Variants in ANKRD29 observed in about 807,000 individuals in gnomAD.
ANKRD29 encodes the protein ankyrin repeat domain 29, also known as ankyrin repeat domain-containing protein 29.
In ANKRD29, 32 loss-of-function variants were observed where a neutral mutation model predicts 38.0. The observed-to-expected ratio is 0.84, with a 90% CI of 0.64 to 1.13. ANKRD29 has a LOEUF of 1.13. Among genes scored for constraint, ANKRD29 ranks in the 50% most tolerant of loss-of-function variants. ANKRD29 has a pLI of 0.00. For missense variants in ANKRD29, 357 were observed against 377.9 expected, an observed-to-expected ratio of 0.94 and a Z score of 0.46; for synonymous variants, 135 against 152.4, an observed-to-expected ratio of 0.89 and a Z score of 0.84.
At chr18:23,639,885 C>T (rs2060051235) in intron 3 of ANKRD29, among the ~76,000 whole-genome samples, 1 of 152,098 alleles carries the variant, frequency 6.6e-6, no homozygotes. Flanking sequence ...AAGTATGATG[C>T]TGGTTGCCAG....
chr18:23,604,796 T>G (rs2059555482), intron 9 of ANKRD29, among the ~76,000 whole-genome samples: 1 of 152,222 alleles, frequency 6.6e-6, no homozygotes, highest in African/African-American at 2.4e-5. Flanking sequence ...CCCAAAGTGC[T>G]GGAATTACAG....
chr18:23,619,272 G>A, intron 7 of ANKRD29: 1 of 453,668 alleles, frequency 2.2e-6, no homozygotes, highest in Non-Finnish European at 3.9e-6. Flanking sequence ...GAGGCCCCCA[G>A]GACAGGCGGG....
intron 4 of ANKRD29, among the ~76,000 whole-genome samples, chr18:23,635,034 A>G (rs2145697862): frequency 1.3e-5 from 2 of 152,298 alleles, no homozygotes. Flanking sequence ...CCTACTTAGT[A>G]TTTTCCTTTT....
At chr18:23,627,046 TAGGCCATGTGC>T (rs540345092) in intron 6 of ANKRD29, among the ~76,000 whole-genome samples, 2 of 152,208 alleles carry the variant, frequency 1.3e-5, no homozygotes, top group South Asian at 2.1e-4. Context: ...AGAATATAGG[TAGGCCATGTGC>T]AGGCCATGTG....
At chr18:23,605,407 G>A (rs1487892704) in intron 9 of ANKRD29, among the ~76,000 whole-genome samples, 3 of 151,730 alleles carry the variant, frequency 2.0e-5, no homozygotes, top group Admixed American at 6.6e-5. Context: ...TTGCTATGTT[G>A]CCCAGGCTGG....
intron 5 of ANKRD29, among the ~76,000 whole-genome samples, chr18:23,630,284 A>G (rs916083873): frequency 6.6e-5 from 10 of 152,146 alleles, no homozygotes; most frequent in African/African-American, 2.4e-4. Flanking sequence ...ATAATTAGCC[A>G]GGCGTGGTGG....
At position 23,661,712 on chromosome 18, in the gene ANKRD29, GA is replaced by G. The variant is rs886957971; in HGVS notation, c.21+997del. Among the ~76,000 whole-genome samples the G allele has an allele frequency of 8.6e-5, 13 of 151,926 alleles. 1 individual carries two copies. Among genetic ancestry groups the G allele is most frequent in the African/African-American group, 1.7e-4 (7 of 41,466 alleles). On this transcript the variant is annotated intron_variant, in intron 1 of 9. Transcript: ENST00000592179. ...CAACAAGAGCAAAACTCCGTCTCAGGAAAAAAAACTTTAAAGTCATTCACAT... is the reference window on the plus strand; with the variant it reads ...CAACAAGAGCAAAACTCCGTCTCAGGAAAAAAACTTTAAAGTCATTCACAT...
chr18:23,625,614 C>T (rs1250646170), intron 6 of ANKRD29, among the ~76,000 whole-genome samples: 2 of 152,118 alleles, frequency 1.3e-5, no homozygotes, highest in Non-Finnish European at 2.9e-5. Flanking sequence ...ATGATAATAA[C>T]AGCAATACCT....
At chr18:23,658,376 C>A (rs1190406543) in intron 1 of ANKRD29, among the ~76,000 whole-genome samples, 1 of 152,200 alleles carries the variant, frequency 6.6e-6, no homozygotes, top group Non-Finnish European at 1.5e-5. Context: ...CCAGCCTGGG[C>A]AGGCGACAGA....
intron 3 of ANKRD29, among the ~76,000 whole-genome samples, chr18:23,639,396 C>A (rs905190684): frequency 2.0e-5 from 3 of 151,932 alleles, no homozygotes; most frequent in African/African-American, 7.3e-5. Flanking sequence ...TGTATCCATA[C>A]AATGGACTAT....
At chr18:23,616,810 AT>A (rs2059729374) in intron 8 of ANKRD29, among the ~76,000 whole-genome samples, 1 of 147,680 alleles carries the variant, frequency 6.8e-6, no homozygotes, top group South Asian at 2.1e-4. Flanking sequence ...AATTAATATA[AT>A]CAATAATATA....
chr18:23,634,204 C>A (rs747417605), intron 4 of ANKRD29, 55 bp from the exon 5 acceptor site: 39 of 1,375,954 alleles, frequency 2.8e-5, no homozygotes, highest in Non-Finnish European at 3.9e-5. Context: ...CATAATTCAC[C>A]AGCAGATGTT....
intron 1 of ANKRD29, among the ~76,000 whole-genome samples, chr18:23,662,164 C>T (rs1377359652): frequency 3.3e-5 from 5 of 152,108 alleles, no homozygotes; most frequent in Admixed American, 3.3e-4. Flanking sequence ...TTTATTAAAC[C>T]CTTTCAATCG....
rs975452369 is a variant in ANKRD29, at chr18:23,616,597, A to G, written c.723+1135T>C. 2.7e-3 allele frequency among the ~76,000 whole-genome samples: 382 copies of G among 141,582 alleles called. 2 individuals are homozygous for G. Among genetic ancestry groups the G allele is most frequent in the African/African-American group, 8.8e-3 (328 of 37,174 alleles). The allele number at this position is 141,582 out of a possible 152,430, so 92.9% of individuals were successfully genotyped here. A position where few individuals can be genotyped will look rare whatever the true frequency, so the allele number is the denominator to read the frequency against. Reference sequence around the variant, plus strand: ...TATACAGTATATATATATATATACTATATATACTATATATATAGTGTATAG... The same window carrying G: ...TATACAGTATATATATATATATACTGTATATACTATATATATAGTGTATAG... On this transcript the variant is annotated intron_variant, in intron 8 of 9. Transcript: ENST00000592179.
chr18:23,661,083 T>A (rs1345611456), intron 1 of ANKRD29, among the ~76,000 whole-genome samples: 2 of 152,246 alleles, frequency 1.3e-5, no homozygotes, highest in East Asian at 3.8e-4. Context: ...TTGGTGTAAG[T>A]GACAGCACAT....
chr18:23,635,243 T>C lies in ANKRD29; in HGVS notation c.331-1094A>G, dbSNP rs181462364. Reference sequence around the variant, plus strand: ...AAGATCACACCACTGCACCCCAGCATGGGTGACAGAGCGAGACACTGTGTC... The same window carrying C: ...AAGATCACACCACTGCACCCCAGCACGGGTGACAGAGCGAGACACTGTGTC... On this transcript the variant is annotated intron_variant, in intron 4 of 9. Coordinates refer to ENST00000592179, the MANE Select transcript of ANKRD29 (RefSeq NM_173505.4). Among the ~76,000 whole-genome samples the C allele has an allele frequency of 2.2e-4, 32 of 148,268 alleles. No homozygotes were observed. The East Asian group carries it at 5.3e-3, about 25-fold the overall frequency.
chr18:23,613,209 G>A (rs1430082184), intron 8 of ANKRD29, among the ~76,000 whole-genome samples: 1 of 118,312 alleles, frequency 8.5e-6, no homozygotes, highest in Non-Finnish European at 1.6e-5. Flanking sequence ...GTCTCGCTCT[G>A]TCTCCCAGGC....
intron 1 of ANKRD29, among the ~76,000 whole-genome samples, chr18:23,655,815 C>T (rs923761921): frequency 9.8e-5 from 14 of 142,338 alleles, no homozygotes; most frequent in African/African-American, 3.0e-4. Flanking sequence ...TAATTCTGGC[C>T]GGGCGCGGTG....
At chr18:23,615,240 C>T (rs926924079) in intron 8 of ANKRD29, among the ~76,000 whole-genome samples, 1 of 152,122 alleles carries the variant, frequency 6.6e-6, no homozygotes, top group African/African-American at 2.4e-5. Context: ...AACTCCTGGC[C>T]TCAAGCAGTC....
Sources: gnomAD v4.1 joint callset for allele counts (sites outside exome capture counted in the v4.1 genomes callset) on GRCh38, gnomAD v4.1.1 for gene constraint, MANE v1.5 for transcripts, NCBI Gene and HGNC (gene_info 2026-07-23, HGNC 2026-07-21) for gene names.